Variants in UBB observed in about 807,000 individuals in gnomAD.
The protein encoded by UBB is polyubiquitin-B.
Under a neutral mutation model 12.5 loss-of-function variants are expected in UBB, and 11 were observed. The ratio of observed to expected loss-of-function variants is 0.88; its 90% CI spans 0.55 to 1.45. UBB has a LOEUF of 1.45. Ranked by LOEUF, UBB falls within the 40% of genes most tolerant of loss-of-function variation. UBB has a pLI of 0.00. For missense variants in UBB, 76 were observed against 286.9 expected, an observed-to-expected ratio of 0.26 and a Z score of 5.31; for synonymous variants, 168 against 120.1, an observed-to-expected ratio of 1.40 and a Z score of -2.61.
upstream of UBB, chr17:16,380,785 G>A (rs748829224): frequency 6.5e-6 from 1 of 152,990 alleles, no homozygotes; most frequent in African/African-American, 2.4e-5. Flanking sequence ...AATCAGTGCC[G>A]GCGCTGCAAG....
intron 1 of UBB, 70 bp downstream of exon 1, chr17:16,381,254 GCTT>G (rs1287332713): frequency 3.9e-5 from 6 of 153,478 alleles, no homozygotes; most frequent in African/African-American, 1.5e-4. Flanking sequence ...CAAGGTGGAG[GCTT>G]CTTGGGGTTG....
In UBB at chr17:16,382,725, G is replaced by T. The variant is rs934155275; in HGVS notation, c.*128G>T. 7 of 1,309,900 alleles carry T rather than the reference G, an allele frequency of 5.3e-6. No individual in the cohort carries two copies. The East Asian group carries it at 7.6e-5, about 14-fold the overall frequency. The allele number at this position is 1,309,900 out of a possible 1,614,324, so 81.1% of individuals were successfully genotyped here. A position where few individuals can be genotyped will look rare whatever the true frequency, so the allele number is the denominator to read the frequency against. ...GAACCTGTTCAAAATGTTAATAAAG[G>T]TTTCGTTGCATGGTAGCATACTTGG... On this transcript the variant is annotated 3_prime_UTR_variant, in exon 2 of 2. Coordinates refer to ENST00000302182, the MANE Select transcript of UBB (RefSeq NM_018955.4).
At chr17:16,381,730 C>A in intron 1 of UBB, 172 bp from the exon 2 acceptor site, 2 of 932,240 alleles carry the variant, frequency 2.1e-6, no homozygotes, top group Non-Finnish European at 3.1e-6. Context: ...CCTTGAATGA[C>A]GAATTTCGTA....
chr17:16,381,845 A>T lies in UBB; in HGVS notation c.-6-57A>T, dbSNP rs1295215512. Reference sequence around the variant, plus strand: ...CTAATTTTGAAGAATATTAGGTGTAAAAGCAAGAAATACAATGATCCTGAG... The same window carrying T: ...CTAATTTTGAAGAATATTAGGTGTATAAGCAAGAAATACAATGATCCTGAG... On this transcript the variant is annotated intron_variant, in intron 1 of 1. Coordinates refer to ENST00000302182, the MANE Select transcript of UBB (RefSeq NM_018955.4). The T allele has an allele frequency of 4.4e-6, 7 of 1,581,182 alleles. No individual in the cohort carries two copies. The African/African-American group carries it at 6.8e-5, about 15-fold the overall frequency.
At chr17:16,381,679 G>A (rs372712047) in intron 1 of UBB, 4 of 638,628 alleles carry the variant, frequency 6.3e-6, no homozygotes, top group Non-Finnish European at 7.8e-6. Flanking sequence ...GTGGACGCTT[G>A]GTAAGAGAGC....
At chr17:16,381,712 C>T in intron 1 of UBB, 190 bp from the exon 2 acceptor site, 1 of 784,894 alleles carries the variant, frequency 1.3e-6, no homozygotes, top group Non-Finnish European at 2.0e-6. Context: ...CCGCTGTTGA[C>T]GTTGAAACCT....
intron 1 of UBB, chr17:16,381,464 T>A (rs1314351757): frequency 2.7e-5 from 5 of 187,492 alleles, no homozygotes; most frequent in East Asian, 1.4e-4. Flanking sequence ...GGAAAAGAGG[T>A]AGTTTGTGTG....
intron 1 of UBB, chr17:16,381,666 G>T: frequency 1.7e-6 from 1 of 595,574 alleles, no homozygotes; most frequent in African/African-American, 1.9e-5. Context: ...AGTGGGGAAA[G>T]CTGTGGACGC....
At chr17:16,381,445 G>A (rs1221488519) in intron 1 of UBB, 6 of 183,546 alleles carry the variant, frequency 3.3e-5, no homozygotes, top group Non-Finnish European at 7.0e-5. Context: ...TTTACTTCGC[G>A]GGGAAGGCGG....
chr17:16,381,882 A>C lies in UBB; in HGVS notation c.-6-20A>C. ...ACAATGATCCTGAGGTGACACGCTT[A>C]TGTTTTACTTTTAAACTAGGTCAAA... On this transcript the variant is annotated intron_variant, in intron 1 of 1. Transcript: ENST00000302182. The C allele has an allele frequency of 6.2e-7, 1 of 1,613,092 alleles. No homozygotes were observed. Among genetic ancestry groups the C allele is most frequent in the Non-Finnish European group, 8.5e-7 (1 of 1,179,360 alleles).
chr17:16,381,407 C>T (rs1236663963), intron 1 of UBB: 8 of 178,674 alleles, frequency 4.5e-5, no homozygotes, highest in Non-Finnish European at 8.4e-5. Context: ...AACTAACGGA[C>T]GCCTAACCGA....
rs749756967 is a variant in UBB, at chr17:16,382,243, C to T, written c.336C>T (p.Ile112=). 37 of 1,609,220 alleles carry T rather than the reference C, an allele frequency of 2.3e-5. No homozygotes were observed. The highest frequency in any genetic ancestry group is 1.7e-4 in the Middle Eastern group (1 of 6,058). ...VKAKIQDKEG[I]PPDQQRLIFA... is the part of the protein sequence containing the mutation. ...CCAAGATCCAGGATAAAGAAGGCAT[C>T]CCTCCCGACCAGCAGAGGCTCATCT... The change falls in exon 2 of 2, where the codon ATC becomes ATT. Residue 112 remains isoleucine (I), a synonymous_variant. Transcript: ENST00000302182.
At chr17:16,381,845 A>G in intron 1 of UBB, 57 bp from the exon 2 acceptor site, 2 of 1,581,300 alleles carry the variant, frequency 1.3e-6, no homozygotes, top group Non-Finnish European at 1.7e-6. Flanking sequence ...ATTAGGTGTA[A>G]AAGCAAGAAA....
At chr17:16,380,981 G>T (rs371882375), upstream of UBB, 4 of 153,676 alleles carry the variant, frequency 2.6e-5, no homozygotes, top group Non-Finnish European at 4.4e-5. Flanking sequence ...CCTCTCGGGA[G>T]GTTGGGCGCG....
rs766631188 is a variant in UBB, at chr17:16,382,605, G to C, written c.*8G>C. 6.2e-7 allele frequency: 1 copy of C among 1,613,840 alleles called. No individual in the cohort carries two copies. Among genetic ancestry groups the C allele is most frequent in the Non-Finnish European group, 8.5e-7 (1 of 1,179,878 alleles). ...CTGAGGGGTGGCTGTTAATTCTTCA[G>C]TCATGGCATTCGCAGTGCCCAGTGA... On this transcript the variant is annotated 3_prime_UTR_variant, in exon 2 of 2. Coordinates refer to ENST00000302182, the MANE Select transcript of UBB (RefSeq NM_018955.4).
intron 1 of UBB, chr17:16,381,486 C>T (rs2093275177): frequency 4.8e-6 from 1 of 207,388 alleles, no homozygotes; most frequent in Non-Finnish European, 9.9e-6. Context: ...TTTCTGGAAG[C>T]CTTTACTTTG....
chr17:16,381,236 G>A (rs1297410821), intron 1 of UBB, 52 bp downstream of exon 1: 2 of 155,180 alleles, frequency 1.3e-5, no homozygotes. Context: ...GGGGGGAATG[G>A]GTGAGGTCAA....
In UBB at chr17:16,381,357, A is replaced by AG. The variant is rs148523773; in HGVS notation, c.-7+179dup. 9.4e-3 allele frequency: 1,464 copies of AG among 156,548 alleles called. 33 individuals carry two copies. The highest frequency in any genetic ancestry group is 0.04 in the African/African-American group (1,395 of 34,706). The allele number at this position is 156,548 out of a possible 1,614,324, so 9.7% of individuals were successfully genotyped here. A position where few individuals can be genotyped will look rare whatever the true frequency, so the allele number is the denominator to read the frequency against. On this transcript the variant is annotated intron_variant, in intron 1 of 1. Transcript: ENST00000302182. ...CGGGACAGTGGGCCTTGTTGACCTG[A>AG]GGGGGGCGAGGGCGGTTGGCGCGCG...
In UBB at chr17:16,382,342, G is replaced by C. The variant is rs1215700432; in HGVS notation, c.435G>C (p.Leu145=). The change falls in exon 2 of 2, where the codon CTG becomes CTC. Residue 145 remains leucine, a synonymous_variant. Transcript: ENST00000302182. ...TCCAGAAGGAGTCGACCCTGCACCT[G>C]GTCCTGCGTCTGAGAGGTGGTATGC... ...YNIQKESTLH[L]VLRLRGGMQI... is the part of the protein sequence containing the mutation. 1 of 1,604,150 alleles carries C rather than the reference G, an allele frequency of 6.2e-7. No individual in the cohort carries two copies.
Sources: allele counts gnomAD v4.1 joint callset, GRCh38; gene constraint gnomAD v4.1.1; transcripts MANE v1.5; gene names NCBI Gene and HGNC (gene_info 2026-07-23, HGNC 2026-07-21).